TRMT1L: variants seen among roughly 807,000 people sequenced by gnomAD.
TRMT1L encodes the protein tRNA methyltransferase 1L.
Under a neutral mutation model 81.6 loss-of-function variants are expected in TRMT1L, and 28 were observed. That is an observed-to-expected ratio of 0.34 (90% CI 0.25 to 0.47). TRMT1L has a LOEUF of 0.47. Ranked by LOEUF, TRMT1L falls within the 20% of genes least tolerant of loss-of-function variation. The pLI, the probability that TRMT1L is intolerant of heterozygous loss-of-function variation, is 1.00. For synonymous variants in TRMT1L, 301 were observed against 303.2 expected, an observed-to-expected ratio of 0.99 and a Z score of 0.07; for missense variants, 739 against 877.1, an observed-to-expected ratio of 0.84 and a Z score of 1.99.
In TRMT1L at chr1:185,139,477, A is replaced by C. The variant is rs760566537; in HGVS notation, c.1212T>G (p.Ser404=). ...IVSVTSTDIS[S]LYAKAQHVAR... is the part of the protein sequence containing the mutation. ...CAACATGCTGTGCCTTGGCATATAA[A>C]GAACTGATATCTGTAGAAGTCACTG... Residue 404 remains serine (S), a synonymous_variant, in exon 9 of 15, where the codon TCT becomes TCG. Coordinates refer to ENST00000367506, the MANE Select transcript of TRMT1L (RefSeq NM_030934.5). 1 of 1,614,204 alleles carries C rather than the reference A, an allele frequency of 6.2e-7. No homozygotes were observed. Among genetic ancestry groups the C allele is most frequent in the South Asian group, 1.1e-5 (1 of 91,088 alleles).
At chr1:185,133,248 T>A (rs1286856449) in intron 10 of TRMT1L, among the ~76,000 whole-genome samples, 1 of 152,234 alleles carries the variant, frequency 6.6e-6, no homozygotes, top group East Asian at 1.9e-4. Context: ...TTTATTTTTG[T>A]AGAGACAGGG....
intron 1 of TRMT1L, among the ~76,000 whole-genome samples, chr1:185,155,286 G>A (rs907746399): frequency 2.0e-5 from 3 of 152,148 alleles, no homozygotes; most frequent in Non-Finnish European, 2.9e-5. Flanking sequence ...ATACAACTTC[G>A]AAGTGAGGTA....
At chr1:185,157,177 T>C (rs889367638), upstream of TRMT1L, 7 of 161,332 alleles carry the variant, frequency 4.3e-5, no homozygotes, top group East Asian at 1.9e-4. Flanking sequence ...GAGTAGGTAG[T>C]GCGGATGCGG....
intron 1 of TRMT1L, among the ~76,000 whole-genome samples, chr1:185,155,298 G>A (rs1653470651): frequency 6.6e-6 from 1 of 152,202 alleles, no homozygotes; most frequent in South Asian, 2.1e-4. Context: ...AGTGAGGTAG[G>A]AGGCTACTTA....
rs532124561 is a variant in TRMT1L at position 185,147,007 on chromosome 1, TA to T, written c.525+174del. 3.9e-3 allele frequency among the ~76,000 whole-genome samples: 595 copies of T among 150,848 alleles called. 4 individuals are homozygous for T. Among genetic ancestry groups the T allele is most frequent in the African/African-American group, 0.014 (554 of 40,908 alleles). ...AAAATGAGAACTTCAATATAACAATTATTTTTTTTCATACATTTCATAGTTT... is the reference window on the plus strand; with the variant it reads ...AAAATGAGAACTTCAATATAACAATTTTTTTTTTCATACATTTCATAGTTT... On this transcript the variant is annotated intron_variant, in intron 4 of 14. Transcript: ENST00000367506.
chr1:185,156,463 G>A lies in TRMT1L; in HGVS notation c.235+15C>T. Reference sequence around the variant, plus strand: ...TCTCTTCTGCAGCAGAAAGATCTGGGCCTTCTGCACTTACTGCTTTTAGCC... The same window carrying A: ...TCTCTTCTGCAGCAGAAAGATCTGGACCTTCTGCACTTACTGCTTTTAGCC... On this transcript the variant is annotated intron_variant, in intron 1 of 14. Coordinates refer to ENST00000367506, the MANE Select transcript of TRMT1L (RefSeq NM_030934.5). The A allele has an allele frequency of 6.2e-7, 1 of 1,613,882 alleles. No individual in the cohort carries two copies. Among genetic ancestry groups the A allele is most frequent in the Non-Finnish European group, 8.5e-7 (1 of 1,179,848 alleles).
intron 10 of TRMT1L, among the ~76,000 whole-genome samples, chr1:185,131,927 G>C (rs1571346041): frequency 6.6e-6 from 1 of 152,074 alleles, no homozygotes; most frequent in East Asian, 1.9e-4. Context: ...GATCACTTGA[G>C]GTCAGGAGAT....
intron 11 of TRMT1L, among the ~76,000 whole-genome samples, chr1:185,127,486 G>C (rs181745513): frequency 1.1e-4 from 16 of 152,164 alleles, no homozygotes; most frequent in African/African-American, 3.9e-4. Flanking sequence ...GCCGGGTGCG[G>C]TAGCTCACAC....
chr1:185,128,608 A>G lies in TRMT1L; in HGVS notation c.1592+61T>C. 9 of 1,462,240 alleles carry G rather than the reference A, an allele frequency of 6.2e-6. No homozygotes were observed. In the Admixed American group the frequency reaches 1.6e-4, roughly 25 times the overall value. The allele number at this position is 1,462,240 out of a possible 1,614,324, so 90.6% of individuals were successfully genotyped here. A position where few individuals can be genotyped will look rare whatever the true frequency, so the allele number is the denominator to read the frequency against. ...TCTTTTACCACACATAATAAAAATC[A>G]GCAATTAATAAATCAATCAATACAT... On this transcript the variant is annotated intron_variant, in intron 11 of 14. Coordinates refer to ENST00000367506, the MANE Select transcript of TRMT1L (RefSeq NM_030934.5).
chr1:185,156,922 G>T lies in TRMT1L; in HGVS notation c.-210C>A. 1.5e-6 allele frequency: 1 copy of T among 649,346 alleles called. No individual in the cohort carries two copies. The highest frequency in any genetic ancestry group is 2.5e-6 in the Non-Finnish European group (1 of 405,196). The allele number at this position is 649,346 out of a possible 1,614,324, so 40.2% of individuals were successfully genotyped here. On this transcript the variant is annotated 5_prime_UTR_variant, in exon 1 of 15. Transcript: ENST00000367506. Reference sequence around the variant, plus strand: ...AAAGCCAGAGGCAGCGATTCCAGATGCCCGTCCGCTTCCCTTTCCCCGAGG... The same window carrying T: ...AAAGCCAGAGGCAGCGATTCCAGATTCCCGTCCGCTTCCCTTTCCCCGAGG...
At chr1:185,135,697 C>G (rs142697138) in intron 10 of TRMT1L, among the ~76,000 whole-genome samples, 3 of 151,704 alleles carry the variant, frequency 2.0e-5, no homozygotes, top group East Asian at 3.9e-4. Context: ...AAAAAAAAAT[C>G]AGTTTTTCAA....
rs1316556976 is a variant in TRMT1L at position 185,156,944 on chromosome 1, G to T, written c.-232C>A. On this transcript the variant is annotated 5_prime_UTR_variant, in exon 1 of 15. Transcript: ENST00000367506. ...GATGCCCGTCCGCTTCCCTTTCCCC[G>T]AGGCGTTACGACGCCACCACAAACT... 1.7e-6 allele frequency: 1 copy of T among 597,436 alleles called. No homozygotes were observed. The highest frequency in any genetic ancestry group is 3.6e-5 in the Admixed American group (1 of 27,938). The allele number at this position is 597,436 out of a possible 1,614,324, so 37.0% of individuals were successfully genotyped here.
chr1:185,135,671 T>C (rs1370245305), intron 10 of TRMT1L, among the ~76,000 whole-genome samples: 2 of 151,864 alleles, frequency 1.3e-5, no homozygotes, highest in African/African-American at 4.8e-5. Flanking sequence ...TTAAACTAGT[T>C]CTTAAGAACT....
Position 185,138,214 on chromosome 1 carries a change from T to A in TRMT1L, c.1323-418A>T, listed in dbSNP as rs985244426. 7.9e-5 allele frequency among the ~76,000 whole-genome samples: 12 copies of A among 152,090 alleles called. No individual in the cohort carries two copies. The East Asian group carries it at 2.3e-3, about 29-fold the overall frequency. On this transcript the variant is annotated intron_variant, in intron 9 of 14. Coordinates refer to ENST00000367506, the MANE Select transcript of TRMT1L (RefSeq NM_030934.5). ...AGTATGCTAGCTACTGAAAATTGAG[T>A]GAAAAAAGAACAGTCAAAGTCCTTT...
chr1:185,122,686 T>C (rs946491431), intron 13 of TRMT1L, among the ~76,000 whole-genome samples: 1 of 147,852 alleles, frequency 6.8e-6, no homozygotes, highest in African/African-American at 2.5e-5. Context: ...AATCTAATTT[T>C]TTTTTTTTTT....
intron 6 of TRMT1L, 146 bp downstream of exon 6, chr1:185,143,760 C>T: frequency 1.4e-6 from 1 of 735,388 alleles, no homozygotes; most frequent in African/African-American, 1.8e-5. Flanking sequence ...AAAAAAGAAA[C>T]AATTCTTCTG....
chr1:185,146,856 T>A (rs1316998886), intron 4 of TRMT1L, among the ~76,000 whole-genome samples: 1 of 152,096 alleles, frequency 6.6e-6, no homozygotes, highest in Admixed American at 6.6e-5. Context: ...TTGAAGCTCC[T>A]ATTCCATGAC....
intron 11 of TRMT1L, among the ~76,000 whole-genome samples, chr1:185,126,127 C>T (rs757953062): frequency 5.1e-4 from 77 of 152,134 alleles, no homozygotes; most frequent in Non-Finnish European, 8.7e-4. Context: ...GACAGGGTCT[C>T]ACTATGCTGC....
intron 1 of TRMT1L, among the ~76,000 whole-genome samples, chr1:185,153,471 C>T (rs1398025024): frequency 6.6e-6 from 1 of 152,160 alleles, no homozygotes. Flanking sequence ...AAACGCAAAA[C>T]GTTCAACACT....
Sources: gnomAD v4.1 joint callset for allele counts (sites outside exome capture counted in the v4.1 genomes callset) on GRCh38, gnomAD v4.1.1 for gene constraint, MANE v1.5 for transcripts, NCBI Gene and HGNC (gene_info 2026-07-23, HGNC 2026-07-21) for gene names.